The following CTDP1 variants were observed in gnomAD, a reference collection of about 807,000 sequenced individuals.
CTDP1 encodes CTD phosphatase 1, also known as RNA polymerase II subunit A C-terminal domain phosphatase.
A neutral mutation model predicts 91.8 loss-of-function variants in CTDP1; 47 were observed. The observed-to-expected ratio is 0.51, with a 90% confidence interval of 0.41 to 0.65. CTDP1 has a LOEUF of 0.65. Ranked by LOEUF, CTDP1 falls within the 30% of genes least tolerant of loss-of-function variation. The probability of loss-of-function intolerance (pLI) is 0.00; values close to 1 mark genes in which losing one functional copy is unlikely to be tolerated. For missense variants in CTDP1, 1,272 were observed against 1,373.7 expected (o/e 0.93, Z 1.17); for synonymous variants, 656 against 598.5 (o/e 1.10, Z -1.40).
intron 12 of CTDP1, among the ~76,000 whole-genome samples, chr18:79,751,740 G>A (rs904024478): frequency 2.6e-5 from 4 of 152,100 alleles, no homozygotes; most frequent in African/African-American, 9.7e-5. Context: ...TAGTTTGTGT[G>A]TGAGCCTCGA....
chr18:79,722,823 C>T (rs906585005), intron 10 of CTDP1, among the ~76,000 whole-genome samples: 2 of 152,186 alleles, frequency 1.3e-5, no homozygotes, highest in Non-Finnish European at 2.9e-5. Flanking sequence ...CGGGACCAGC[C>T]GGCAGGAGTT....
intron 11 of CTDP1, among the ~76,000 whole-genome samples, chr18:79,733,493 C>T (rs997343409): frequency 4.6e-5 from 7 of 152,184 alleles, no homozygotes; most frequent in African/African-American, 1.7e-4. Context: ...TGCTGGGCCC[C>T]AGAGCCGGCG....
intron 1 of CTDP1, chr18:79,680,713 G>A (rs1164284935): frequency 6.5e-6 from 1 of 153,682 alleles, no homozygotes; most frequent in African/African-American, 2.4e-5. Flanking sequence ...AAAACCTGGT[G>A]CAGTTCTGTT....
At chr18:79,702,397 G>C (rs905512276) in intron 4 of CTDP1, among the ~76,000 whole-genome samples, 1 of 151,928 alleles carries the variant, frequency 6.6e-6, no homozygotes, top group Non-Finnish European at 1.5e-5. Flanking sequence ...TTTTTGAGAC[G>C]GAGTCTTGCT....
rs781220328 is a variant in CTDP1, at chr18:79,713,146, A to G, written c.1030+8A>G. ...CTCAGACGAGAAAGAAAGGTGGGTA[A>G]CCTCCTTCCTGATTCTCTAGAAGAA... is the stretch of plus-strand genomic sequence containing the variant. On this transcript the variant is annotated splice_region_variant and intron_variant, in intron 7 of 12. Transcript: ENST00000613122. The surrounding 1 kb of genome is among the most constrained non-coding windows in gnomAD (Gnocchi z 4.7). The G allele has an allele frequency of 5.0e-6, 8 of 1,612,980 alleles. No homozygotes were observed. The highest frequency in any genetic ancestry group is 5.9e-6 in the Non-Finnish European group (7 of 1,179,328).
At chr18:79,698,784 G>A (rs1599220173) in intron 4 of CTDP1, among the ~76,000 whole-genome samples, 1 of 152,194 alleles carries the variant, frequency 6.6e-6, no homozygotes, top group East Asian at 1.9e-4. Flanking sequence ...AGGTTCCTGG[G>A]GATCCTGCAG....
chr18:79,703,187 G>A (rs2085895876), intron 4 of CTDP1: 1 of 152,098 alleles, frequency 6.6e-6, no homozygotes, highest in Non-Finnish European at 1.5e-5. Flanking sequence ...TGACGGTCGT[G>A]ACTAACTTAG....
intron 11 of CTDP1, chr18:79,736,086 C>A (rs1315730441): frequency 1.8e-6 from 1 of 544,572 alleles, no homozygotes; most frequent in Non-Finnish European, 3.3e-6. Flanking sequence ...AATAAAGTCC[C>A]TGTTCACATA....
intron 8 of CTDP1, among the ~76,000 whole-genome samples, chr18:79,716,341 C>T (rs2086208104): frequency 6.6e-6 from 1 of 152,136 alleles, no homozygotes; most frequent in Non-Finnish European, 1.5e-5. Flanking sequence ...TTATTTGAGG[C>T]CACGGCTCTG....
Position 79,679,885 on chromosome 18 carries a change from AGGCGCTGCGCTCTGAGCGCAGC to A in CTDP1, c.-61_-40del. On this transcript the variant is annotated 5_prime_UTR_variant, in exon 1 of 13. Coordinates refer to ENST00000613122, the MANE Select transcript of CTDP1 (RefSeq NM_004715.5). ...GCCGCCTGGGTTGTGTCGCCGCGGT[AGGCGCTGCGCTCTGAGCGCAGC>A]GCAGGCCCCGTACCGACCGCCCGCC... The A allele has an allele frequency of 7.8e-7, 1 of 1,287,762 alleles. No individual in the cohort carries two copies. Among genetic ancestry groups the A allele is most frequent in the East Asian group, 3.5e-5 (1 of 28,472 alleles). 79.8% of individuals were successfully genotyped at this position (1,287,762 alleles called of 1,614,324 possible). A position where few individuals can be genotyped will look rare whatever the true frequency, so the allele number is the denominator to read the frequency against.
intron 4 of CTDP1, 21 bp from the exon 5 acceptor site, chr18:79,704,746 T>G (rs1160075730): frequency 1.2e-6 from 2 of 1,612,990 alleles, no homozygotes; most frequent in East Asian, 4.5e-5. Context: ...TTCTCCCGAC[T>G]GTTGCTACTA....
chr18:79,713,085 C>G lies in CTDP1; in HGVS notation c.977C>G (p.Thr326Arg), dbSNP rs760761980. 1 of 1,613,976 alleles carries G rather than the reference C, an allele frequency of 6.2e-7. No individual in the cohort carries two copies. The highest frequency in any genetic ancestry group is 1.7e-5 in the Admixed American group (1 of 59,998). Residue 326 changes from threonine (T) to arginine (R), a missense_variant, in exon 7 of 13, where the codon ACG becomes AGG. By Grantham distance (71) the Thr-to-Arg change is moderately conservative (BLOSUM62 -1). This residue lies in a region of CTDP1 where 881 missense variants were observed against 911.6 expected (regional missense o/e 0.97). Transcript: ENST00000613122. This position sits in a 1 kb window ranked among gnomAD's most constrained non-coding sequence, Gnocchi z 4.7. ...TVKKYVYFQG[T>R]GDMNAPPGSR... is the part of the protein sequence containing the mutation. ...AAGAAATATGTATACTTCCAGGGCA[C>G]GGGTGATATGAATGCGCCCCCTGGG...
At position 79,679,931 on chromosome 18, in the gene CTDP1, C is replaced by A. The variant is rs1369605607; in HGVS notation, c.-17C>A. 6.5e-6 allele frequency: 9 copies of A among 1,380,678 alleles called. No homozygotes were observed. The highest frequency in any genetic ancestry group is 2.7e-4 in the Middle Eastern group (1 of 3,714). 85.5% of individuals were successfully genotyped at this position (1,380,678 alleles called of 1,614,324 possible). ...GCGCAGGCCCCGTACCGACCGCCCG[C>A]CCGCCCTCTGTCCGCGATGGAGGTG... On this transcript the variant is annotated 5_prime_UTR_variant, in exon 1 of 13. Coordinates refer to ENST00000613122, the MANE Select transcript of CTDP1 (RefSeq NM_004715.5).
intron 2 of CTDP1, among the ~76,000 whole-genome samples, chr18:79,695,707 G>A (rs377346923): frequency 2.0e-5 from 3 of 152,190 alleles, no homozygotes; most frequent in African/African-American, 7.2e-5. Flanking sequence ...ATGGTTGAGG[G>A]CCTGTTTCTG....
intron 10 of CTDP1, among the ~76,000 whole-genome samples, chr18:79,721,822 T>A (rs2086350203): frequency 3.5e-5 from 5 of 142,992 alleles, no homozygotes; most frequent in Non-Finnish European, 7.5e-5. Flanking sequence ...TTCAGTATTT[T>A]TATTTATTTT....
chr18:79,712,837 G>T (rs1037940192), intron 6 of CTDP1, 135 bp from the exon 7 acceptor site: 6 of 854,634 alleles, frequency 7.0e-6, no homozygotes, highest in African/African-American at 1.7e-5. Context: ...GCTTCGGGGC[G>T]GTTGGTGTCC....
chr18:79,738,284 G>A (rs188336956), intron 12 of CTDP1, among the ~76,000 whole-genome samples: 1 of 152,218 alleles, frequency 6.6e-6, no homozygotes, highest in African/African-American at 2.4e-5. Flanking sequence ...TGTCTTGCCC[G>A]CCTGTTAGAC....
At chr18:79,678,094 A>C (rs544309588), upstream of CTDP1, 2 of 152,384 alleles carry the variant, frequency 1.3e-5, no homozygotes, top group Admixed American at 6.5e-5. Context: ...AAGAGCAAGT[A>C]ATGGCGAGGG....
rs764379566 is a variant in CTDP1 at position 79,714,677 on chromosome 18, TCTGGCC to T, written c.1219_1224del (p.Trp407_Pro408del). The T allele has an allele frequency of 6.2e-7, 1 of 1,611,186 alleles. No homozygotes were observed. Among genetic ancestry groups the T allele is most frequent in the Non-Finnish European group, 8.5e-7 (1 of 1,179,202 alleles). ...CCCGGGAAGCCAGACGAGAGGGACA[TCTGGCC>T]CCCTGCCCAGGCCCCCACCAGCAGC... On this transcript the variant is annotated inframe_deletion, in exon 8 of 13. Transcript: ENST00000613122.
Sources: allele counts gnomAD v4.1 joint callset (sites outside exome capture counted in the v4.1 genomes callset), GRCh38; gene constraint gnomAD v4.1.1; regional missense constraint gnomAD v4.1.1; non-coding constraint Gnocchi (gnomAD v3.1); transcripts MANE v1.5; gene names NCBI Gene and HGNC (gene_info 2026-07-23, HGNC 2026-07-21).